Variants in GRID1 observed in about 807,000 individuals in gnomAD.
GRID1 encodes glutamate receptor ionotropic, delta-1.
GRID1 carries 28 observed loss-of-function variants against 98.0 expected under a neutral mutation model. The ratio of observed to expected loss-of-function variants is 0.29; its 90% CI spans 0.21 to 0.39. The LOEUF (loss-of-function observed/expected upper bound fraction) is 0.39, where lower values mean the gene tolerates loss of function less well. Among genes scored for constraint, GRID1 ranks in the 10% least tolerant of loss-of-function variants. The pLI is 1.00. For missense variants in GRID1, 1,111 were observed against 1,340.5 expected (o/e 0.83, Z 2.67); for synonymous variants, 553 against 538.5 (o/e 1.03, Z -0.37).
At chr10:86,308,799 G>GGAGAGCACGA (rs921034685) in intron 2 of GRID1, among the ~76,000 whole-genome samples, 1 of 152,118 alleles carries the variant, frequency 6.6e-6, no homozygotes, top group Admixed American at 6.5e-5. Context: ...CACAAGGGCA[G>GGAGAGCACGA]GAGAGCACGA....
At chr10:86,104,871 T>C (rs530299671) in intron 4 of GRID1, among the ~76,000 whole-genome samples, 15 of 152,246 alleles carry the variant, frequency 9.9e-5, no homozygotes, top group African/African-American at 3.6e-4. Context: ...GCCTAGGGTG[T>C]GCGACAGCGG....
intron 5 of GRID1, among the ~76,000 whole-genome samples, chr10:85,873,028 T>C (rs1843293631): frequency 6.6e-6 from 1 of 152,174 alleles, no homozygotes; most frequent in South Asian, 2.1e-4. Context: ...GTGTGATCAG[T>C]CAGTTCTAGA....
At chr10:85,803,857 C>T (rs1842598593) in intron 8 of GRID1, among the ~76,000 whole-genome samples, 1 of 151,696 alleles carries the variant, frequency 6.6e-6, no homozygotes, top group African/African-American at 2.4e-5. Flanking sequence ...AAAAATAATG[C>T]ACACTCAAAT....
At chr10:85,810,272 A>G (rs1842659434) in intron 8 of GRID1, among the ~76,000 whole-genome samples, 1 of 151,990 alleles carries the variant, frequency 6.6e-6, no homozygotes, top group Non-Finnish European at 1.5e-5. Context: ...CCATCTCTCC[A>G]CCCACATGGG....
At chr10:85,697,050 T>A (rs1311164268) in intron 12 of GRID1, among the ~76,000 whole-genome samples, 1 of 152,142 alleles carries the variant, frequency 6.6e-6, no homozygotes, top group African/African-American at 2.4e-5. Flanking sequence ...CAAAAACTGG[T>A]TATTCTTGGT....
intron 8 of GRID1, among the ~76,000 whole-genome samples, chr10:85,733,626 A>C (rs1207256678): frequency 1.3e-5 from 2 of 152,222 alleles, no homozygotes; most frequent in South Asian, 2.1e-4. Flanking sequence ...CACTGTGCCC[A>C]GCTGATTCTA....
At chr10:85,929,889 A>T (rs1248184968) in intron 4 of GRID1, among the ~76,000 whole-genome samples, 1 of 152,156 alleles carries the variant, frequency 6.6e-6, no homozygotes, top group African/African-American at 2.4e-5. Flanking sequence ...ACTATCTATT[A>T]TGTTCCTGAT....
intron 2 of GRID1, among the ~76,000 whole-genome samples, chr10:86,244,515 C>T (rs1846690269): frequency 6.6e-6 from 1 of 152,248 alleles, no homozygotes; most frequent in Non-Finnish European, 1.5e-5. Context: ...TTAAAGCCTG[C>T]TCAGACACCG....
chr10:85,909,961 C>T (rs1367031382), intron 5 of GRID1, among the ~76,000 whole-genome samples: 1 of 152,064 alleles, frequency 6.6e-6, no homozygotes, highest in Non-Finnish European at 1.5e-5. Context: ...ATTAAAAAAA[C>T]ATAATGAAGG....
intron 8 of GRID1, among the ~76,000 whole-genome samples, chr10:85,737,715 T>TA (rs1554828170): frequency 7.6e-6 from 1 of 131,376 alleles, no homozygotes; most frequent in Non-Finnish European, 1.6e-5. Flanking sequence ...ACATACATGT[T>TA]TATATATATA....
chr10:86,064,564 C>T (rs1266488345), intron 4 of GRID1, among the ~76,000 whole-genome samples: 2 of 152,330 alleles, frequency 1.3e-5, no homozygotes, highest in East Asian at 1.9e-4. Context: ...CATCCCAGAA[C>T]ACAGAGGAAC....
intron 2 of GRID1, among the ~76,000 whole-genome samples, chr10:86,255,994 C>A (rs1044790688): frequency 1.3e-5 from 2 of 152,224 alleles, no homozygotes; most frequent in Non-Finnish European, 2.9e-5. Context: ...CAGGGTCATT[C>A]GGATCACAGC....
chr10:86,060,378 C>T (rs1335089354), intron 4 of GRID1, among the ~76,000 whole-genome samples: 2 of 152,154 alleles, frequency 1.3e-5, no homozygotes, highest in Non-Finnish European at 2.9e-5. Context: ...GCTACAGGGG[C>T]GAAGTGGGAA....
chr10:86,242,762 G>A (rs1372051692), intron 2 of GRID1, among the ~76,000 whole-genome samples: 1 of 152,172 alleles, frequency 6.6e-6, no homozygotes, highest in African/African-American at 2.4e-5. Context: ...GCCAGATACT[G>A]GTGCTTTGCA....
At chr10:86,043,568 G>A (rs1843377626) in intron 4 of GRID1, among the ~76,000 whole-genome samples, 3 of 152,198 alleles carry the variant, frequency 2.0e-5, no homozygotes, top group Admixed American at 2.0e-4. Flanking sequence ...GGGCACAGGT[G>A]GGCAGGCTGC....
At chr10:85,859,418 T>C (rs991885313) in intron 6 of GRID1, among the ~76,000 whole-genome samples, 4 of 151,716 alleles carry the variant, frequency 2.6e-5, no homozygotes, top group African/African-American at 7.3e-5. Flanking sequence ...GATGGACGGA[T>C]GGATGGATGG....
At chr10:85,885,281 T>C (rs986712654) in intron 5 of GRID1, among the ~76,000 whole-genome samples, 5 of 152,220 alleles carry the variant, frequency 3.3e-5, no homozygotes, top group African/African-American at 1.2e-4. Flanking sequence ...ACTGTCCTTT[T>C]TATAGTGTGC....
chr10:86,309,386 C>T (rs909427612), intron 2 of GRID1, among the ~76,000 whole-genome samples: 2 of 152,160 alleles, frequency 1.3e-5, no homozygotes, highest in East Asian at 3.8e-4. Context: ...GTCAGAACTA[C>T]CCTGGAAGAA....
intron 4 of GRID1, among the ~76,000 whole-genome samples, chr10:86,000,044 C>G (rs1036943224): frequency 6.6e-6 from 1 of 152,174 alleles, no homozygotes; most frequent in Non-Finnish European, 1.5e-5. Flanking sequence ...TGTCCCTATT[C>G]ACAACCAACA....
Sources: gnomAD v4.1 joint callset for allele counts (sites outside exome capture counted in the v4.1 genomes callset) on GRCh38, gnomAD v4.1.1 for gene constraint, MANE v1.5 for transcripts, NCBI Gene and HGNC (gene_info 2026-07-23, HGNC 2026-07-21) for gene names.